The following KIAA0825 variants were observed in gnomAD, a reference collection of about 807,000 sequenced individuals.
The protein encoded by KIAA0825 is KIAA0825.
In KIAA0825, 119 loss-of-function variants were observed where a neutral mutation model predicts 147.6. That is an observed-to-expected ratio of 0.81 (90% CI 0.69 to 0.94). The LOEUF (loss-of-function observed/expected upper bound fraction) is 0.94. Ranked by LOEUF, KIAA0825 falls within the 40% of genes least tolerant of loss-of-function variation. The pLI is 0.00. For missense variants in KIAA0825, 1,381 were observed against 1,472.7 expected (o/e 0.94, Z 1.02); for synonymous variants, 470 against 518.1 (o/e 0.91, Z 1.26).
At chr5:94,384,484 C>G (rs1584331012) in intron 19 of KIAA0825, 26 bp from the exon 20 acceptor site, 1 of 1,515,068 alleles carries the variant, frequency 6.6e-7, no homozygotes, top group Non-Finnish European at 9.0e-7. Flanking sequence ...TGAGAAGACA[C>G]TATTGTTAGT....
At chr5:94,384,679 T>TA (rs1315211451) in intron 19 of KIAA0825, among the ~76,000 whole-genome samples, 2 of 152,202 alleles carry the variant, frequency 1.3e-5, no homozygotes, top group African/African-American at 4.8e-5. Flanking sequence ...TCATTATTTA[T>TA]AAAAATATAA....
At chr5:94,427,962 CTTCT>C (rs779627624) in intron 14 of KIAA0825, among the ~76,000 whole-genome samples, 32 of 152,192 alleles carry the variant, frequency 2.1e-4, no homozygotes, top group Admixed American at 1.1e-3. Flanking sequence ...ATGTAATGCC[CTTCT>C]TTCTTTTTTG....
intron 15 of KIAA0825, chr5:94,415,853 A>G (rs1343806946): frequency 2.6e-5 from 4 of 152,180 alleles, no homozygotes; most frequent in Non-Finnish European, 5.9e-5. Flanking sequence ...TATTTTAAGT[A>G]TAGTTTTGTG....
At chr5:94,448,259 T>C (rs1757974366) in intron 13 of KIAA0825, among the ~76,000 whole-genome samples, 2 of 151,838 alleles carry the variant, frequency 1.3e-5, no homozygotes, top group Middle Eastern at 3.4e-3. Context: ...CTTACTGCTT[T>C]GAAAATATAT....
intron 20 of KIAA0825, among the ~76,000 whole-genome samples, chr5:94,262,605 A>G (rs2150133495): frequency 6.6e-6 from 1 of 152,366 alleles, no homozygotes. Flanking sequence ...TGGTTAAAAA[A>G]GAGTAAGATG....
At chr5:94,484,275 C>A (rs1762795806) in intron 6 of KIAA0825, among the ~76,000 whole-genome samples, 1 of 151,770 alleles carries the variant, frequency 6.6e-6, no homozygotes, top group Non-Finnish European at 1.5e-5. Flanking sequence ...TTAATTCTCA[C>A]AACCCTATAT....
At chr5:94,477,947 T>C (rs969014362) in intron 6 of KIAA0825, among the ~76,000 whole-genome samples, 1 of 152,214 alleles carries the variant, frequency 6.6e-6, no homozygotes, top group Non-Finnish European at 1.5e-5. Context: ...AAGGTTTACT[T>C]TTTTTGGCTT....
chr5:94,257,884 T>A (rs1459393130), intron 20 of KIAA0825, among the ~76,000 whole-genome samples: 3 of 152,058 alleles, frequency 2.0e-5, no homozygotes, highest in Non-Finnish European at 4.4e-5. Flanking sequence ...ACATTCCCAA[T>A]CATGAAATGA....
At chr5:94,175,596 G>C (rs1049723337) in intron 20 of KIAA0825, among the ~76,000 whole-genome samples, 1 of 152,038 alleles carries the variant, frequency 6.6e-6, no homozygotes, top group African/African-American at 2.4e-5. Context: ...GCATTCCCCT[G>C]TATTCTCCTG....
intron 7 of KIAA0825, 68 bp downstream of exon 7, chr5:94,477,043 T>C: frequency 9.0e-7 from 1 of 1,115,692 alleles, no homozygotes. Context: ...TCTTGATTCA[T>C]AATGGATTCA....
intron 20 of KIAA0825, among the ~76,000 whole-genome samples, chr5:94,161,317 T>C (rs775617877): frequency 6.6e-6 from 1 of 152,174 alleles, no homozygotes; most frequent in Non-Finnish European, 1.5e-5. Flanking sequence ...GAAAATTATT[T>C]TCCTTATTTT....
At chr5:94,499,317 T>C (rs1764755245) in intron 5 of KIAA0825, among the ~76,000 whole-genome samples, 1 of 152,204 alleles carries the variant, frequency 6.6e-6, no homozygotes, top group Admixed American at 6.5e-5. Context: ...TCCCTCATGT[T>C]GAAATTCTAT....
At chr5:94,314,341 T>C (rs576262682) in intron 20 of KIAA0825, among the ~76,000 whole-genome samples, 1 of 151,822 alleles carries the variant, frequency 6.6e-6, no homozygotes, top group African/African-American at 2.4e-5. Context: ...GGAAATGTCT[T>C]ACTTCAAAAG....
chr5:94,205,976 G>A (rs1231809843), intron 20 of KIAA0825, among the ~76,000 whole-genome samples: 1 of 152,070 alleles, frequency 6.6e-6, no homozygotes, highest in African/African-American at 2.4e-5. Context: ...GTTTTCTTAT[G>A]TGTTAGTTTT....
At chr5:94,416,968 G>T (rs1404577687) in intron 15 of KIAA0825, 2 of 359,326 alleles carry the variant, frequency 5.6e-6, no homozygotes, top group African/African-American at 4.1e-5. Context: ...AATAAAAAAA[G>T]AAAATCTTTT....
intron 20 of KIAA0825, among the ~76,000 whole-genome samples, chr5:94,319,304 G>A (rs1333222922): frequency 1.3e-5 from 2 of 151,738 alleles, no homozygotes; most frequent in East Asian, 2.0e-4. Context: ...ACTTCTAAAT[G>A]TTGGAGTGCC....
At chr5:94,602,268 G>A (rs1018070585) in intron 1 of KIAA0825, among the ~76,000 whole-genome samples, 4 of 152,036 alleles carry the variant, frequency 2.6e-5, no homozygotes, top group Non-Finnish European at 4.4e-5. Context: ...GGAGAATGGC[G>A]TGAACCTGGG....
At chr5:94,340,396 T>C (rs551249639) in intron 20 of KIAA0825, among the ~76,000 whole-genome samples, 1 of 152,288 alleles carries the variant, frequency 6.6e-6, no homozygotes, top group East Asian at 1.9e-4. Flanking sequence ...AATCCTTGGA[T>C]ACAGAATCCA....
chr5:94,154,090 C>T lies in KIAA0825; in HGVS notation c.3745G>A (p.Glu1249Lys), dbSNP rs1190490905. ...EMKKDETLEE[E>K]EKAILEHLKQ... ...AAGTGCTCCAGTATTGCTTTTTCTT[C>T]CTCTTCTAGTGTTTCATCCTTCTTC... Residue 1249 changes from glutamate to lysine, a missense_variant, in exon 21 of 21, where the codon GAA becomes AAA. By Grantham distance (56) the Glu-to-Lys change is moderately conservative. Coordinates refer to ENST00000682413, the MANE Select transcript of KIAA0825 (RefSeq NM_001145678.3). 6.4e-7 allele frequency: 1 copy of T among 1,551,506 alleles called. No individual in the cohort carries two copies. The highest frequency in any genetic ancestry group is 1.4e-5 in the African/African-American group (1 of 73,150).
Sources: allele counts gnomAD v4.1 joint callset (sites outside exome capture counted in the v4.1 genomes callset), GRCh38; gene constraint gnomAD v4.1.1; transcripts MANE v1.5; gene names NCBI Gene and HGNC (gene_info 2026-07-23, HGNC 2026-07-21).